Variants in XPNPEP1 observed in about 807,000 individuals in gnomAD.
XPNPEP1 encodes X-prolyl aminopeptidase 1.
In XPNPEP1, 39 loss-of-function variants were observed where a neutral mutation model predicts 92.4. The observed-to-expected ratio is 0.42, with a 90% CI of 0.33 to 0.55. The LOEUF is 0.55. Among genes scored for constraint, XPNPEP1 ranks in the 20% least tolerant of loss-of-function variants. XPNPEP1 has a pLI of 0.08. For synonymous variants in XPNPEP1, 307 were observed against 299.4 expected (o/e 1.03, Z -0.26); for missense variants, 654 against 856.1 (o/e 0.76, Z 2.95).
At position 109,907,696 on chromosome 10, in the gene XPNPEP1, G is replaced by A; in HGVS notation, c.241C>T (p.His81Tyr). Residue 81 changes from histidine (H) to tyrosine (Y), a missense_variant, in exon 3 of 21, where the codon CAT becomes TAT. His to Tyr is a moderately conservative substitution (Grantham distance 83). Transcript: ENST00000502935. The stretch of plus-strand genomic sequence containing the variant: ...GGCCCATTGCCATGCAGTACCTGAT[G>A]AGCATCTCCCGATGGGATGATGTAG... Reference protein sequence around the residue: ...QAYIIPSGDAHQSEYIAPCDC... With the variant: ...QAYIIPSGDAYQSEYIAPCDC... 1 of 1,614,190 alleles carries A rather than the reference G, an allele frequency of 6.2e-7. No homozygotes were observed. Among genetic ancestry groups the A allele is most frequent in the African/African-American group, 1.3e-5 (1 of 75,060 alleles).
chr10:109,870,103 T>G, intron 18 of XPNPEP1, 74 bp from the exon 19 acceptor site: 2 of 1,501,110 alleles, frequency 1.3e-6, no homozygotes, highest in Admixed American at 3.5e-5. Flanking sequence ...CTTTCACTCC[T>G]TGGATGACTG....
At chr10:109,872,268 T>C (rs912612706) in intron 16 of XPNPEP1, among the ~76,000 whole-genome samples, 6 of 152,266 alleles carry the variant, frequency 3.9e-5, no homozygotes, top group Non-Finnish European at 7.3e-5. Context: ...ACTACTGTTA[T>C]CCTCGCTTCA....
At position 109,888,190 on chromosome 10, in the gene XPNPEP1, A is replaced by T; in HGVS notation, c.511T>A (p.Tyr171Asn). 1.9e-6 allele frequency: 3 copies of T among 1,611,036 alleles called. No homozygotes were observed. The highest frequency in any genetic ancestry group is 1.7e-5 in the Admixed American group (1 of 59,998). The change falls in exon 7 of 21, where the codon TAT (tyrosine) becomes AAT (asparagine). Residue 171 changes from tyrosine to asparagine, a missense_variant and splice_region_variant. By Grantham distance (143) the Tyr-to-Asn change is moderately radical. Transcript: ENST00000502935. Reference sequence around the variant, plus strand: ...AGAACTTTGGCCATTTTCTTCCAATAATCTGAGGAGACACATTGTGGCCCA... The same window carrying T: ...AGAACTTTGGCCATTTTCTTCCAATTATCTGAGGAGACACATTGTGGCCCA... ...GVDPLIIPTD[Y>N]WKKMAKVLRS...
chr10:109,888,322 G>T, intron 6 of XPNPEP1, 130 bp from the exon 7 acceptor site: 1 of 1,361,224 alleles, frequency 7.3e-7, no homozygotes, highest in South Asian at 1.5e-5. Context: ...TGTGCAGGAT[G>T]AGGAACTGTA....
intron 19 of XPNPEP1, 126 bp from the exon 20 acceptor site, chr10:109,868,838 T>A: frequency 7.5e-6 from 6 of 803,280 alleles, no homozygotes; most frequent in Non-Finnish European, 8.1e-6. Flanking sequence ...AGTGGTGAGC[T>A]GGTCACCACT....
intron 3 of XPNPEP1, 108 bp from the exon 4 acceptor site, chr10:109,893,183 T>G: frequency 3.9e-6 from 4 of 1,017,626 alleles, no homozygotes; most frequent in Non-Finnish European, 5.9e-6. Flanking sequence ...GACTGGGGAA[T>G]CCTTGGCCCC....
At chr10:109,906,469 A>C (rs1849565933) in intron 3 of XPNPEP1, among the ~76,000 whole-genome samples, 1 of 152,178 alleles carries the variant, frequency 6.6e-6, no homozygotes, top group Non-Finnish European at 1.5e-5. Flanking sequence ...GGCCTGCTAC[A>C]TTCCTGCCCT....
intron 2 of XPNPEP1, among the ~76,000 whole-genome samples, chr10:109,912,885 C>T (rs1286498242): frequency 1.3e-5 from 2 of 152,204 alleles, no homozygotes; most frequent in Non-Finnish European, 2.9e-5. Context: ...ATCAAATTCA[C>T]AACATTGGAT....
At chr10:109,918,714 T>C (rs1263860851) in intron 1 of XPNPEP1, among the ~76,000 whole-genome samples, 1 of 150,484 alleles carries the variant, frequency 6.6e-6, no homozygotes, top group East Asian at 2.0e-4. Context: ...TGAGCTGAGA[T>C]CGGGCCACTG....
In XPNPEP1 at chr10:109,886,285, C is replaced by T. The variant is rs560427557; in HGVS notation, c.709G>A (p.Val237Ile). Reference protein sequence around the residue: ...DLRLKMAERNVMWFVVTALDE... With the variant: ...DLRLKMAERNIMWFVVTALDE... ...AAGGCAGTGACCACAAACCACATGA[C>T]GTTCCTCTCAGCCATTTTCAACCGA... The change falls in exon 8 of 21, where the codon GTC (valine) becomes ATC (isoleucine). Residue 237 changes from valine (V) to isoleucine (I), a missense_variant. Coordinates refer to ENST00000502935, the MANE Select transcript of XPNPEP1 (RefSeq NM_020383.4). The T allele has an allele frequency of 8.7e-6, 14 of 1,614,232 alleles. No homozygotes were observed. Among genetic ancestry groups the T allele is most frequent in the East Asian group, 4.5e-5 (2 of 44,886 alleles).
chr10:109,913,241 A>C (rs1234979052), intron 2 of XPNPEP1, among the ~76,000 whole-genome samples: 1 of 152,260 alleles, frequency 6.6e-6, no homozygotes, highest in African/African-American at 2.4e-5. Context: ...GTACATGAAA[A>C]GCACACCATA....
chr10:109,902,452 T>C (rs944218705), intron 3 of XPNPEP1, among the ~76,000 whole-genome samples: 1 of 152,256 alleles, frequency 6.6e-6, no homozygotes, highest in African/African-American at 2.4e-5. Context: ...ATCTGGCATC[T>C]GAACCCAGAG....
At chr10:109,896,646 A>C (rs563519118) in intron 3 of XPNPEP1, among the ~76,000 whole-genome samples, 216 of 152,172 alleles carry the variant, frequency 1.4e-3, no homozygotes, top group African/African-American at 5.0e-3. Flanking sequence ...CAAGCATATA[A>C]GTTCCATGAG....
chr10:109,917,059 T>C (rs1422140081), intron 1 of XPNPEP1, among the ~76,000 whole-genome samples: 1 of 149,002 alleles, frequency 6.7e-6, no homozygotes, highest in Non-Finnish European at 1.5e-5. Flanking sequence ...CTAGGGAATG[T>C]CTACTCTTGG....
intron 2 of XPNPEP1, among the ~76,000 whole-genome samples, chr10:109,914,585 T>A (rs1850069991): frequency 1.3e-5 from 2 of 151,942 alleles, no homozygotes; most frequent in African/African-American, 4.8e-5. Flanking sequence ...TCACCTGAGG[T>A]CGGGAGTTCA....
intron 2 of XPNPEP1, among the ~76,000 whole-genome samples, chr10:109,911,162 AG>A (rs1849849122): frequency 6.6e-6 from 1 of 152,284 alleles, no homozygotes; most frequent in African/African-American, 2.4e-5. Context: ...GCTCACCCTC[AG>A]GAGTCTCAGA....
intron 14 of XPNPEP1, chr10:109,875,828 G>T: frequency 9.8e-6 from 4 of 407,388 alleles, no homozygotes; most frequent in East Asian, 4.3e-5. Context: ...GCTCAACAAA[G>T]GAAAAGTAAC....
chr10:109,913,093 G>C (rs1473843019), intron 2 of XPNPEP1, among the ~76,000 whole-genome samples: 1 of 152,220 alleles, frequency 6.6e-6, no homozygotes, highest in Non-Finnish European at 1.5e-5. Context: ...TGAAACATTA[G>C]CCCATACACT....
intron 20 of XPNPEP1, among the ~76,000 whole-genome samples, 173 bp from the exon 21 acceptor site, chr10:109,865,485 G>A (rs914817406): frequency 1.3e-5 from 2 of 152,158 alleles, no homozygotes; most frequent in Admixed American, 6.5e-5. Flanking sequence ...CTGTTTCCCC[G>A]GAAATACATA....
Sources: gnomAD v4.1 joint callset for allele counts (sites outside exome capture counted in the v4.1 genomes callset) on GRCh38, gnomAD v4.1.1 for gene constraint, MANE v1.5 for transcripts, NCBI Gene and HGNC (gene_info 2026-07-23, HGNC 2026-07-21) for gene names.